AGBL4: variants seen among roughly 807,000 people sequenced by gnomAD.
AGBL4 encodes the protein AGBL carboxypeptidase 4.
AGBL4 carries 58 observed loss-of-function variants against 66.4 expected under a neutral mutation model. The observed-to-expected ratio is 0.87, with a 90% CI of 0.71 to 1.09. The LOEUF (loss-of-function observed/expected upper bound fraction) is 1.09, where lower values mean the gene tolerates loss of function less well. AGBL4 is among the 50% of genes least tolerant of loss of function. The pLI is 0.00. For missense variants in AGBL4, 579 were observed against 631.0 expected, an observed-to-expected ratio of 0.92 and a Z score of 0.88; for synonymous variants, 234 against 222.9, an observed-to-expected ratio of 1.05 and a Z score of -0.44.
intron 3 of AGBL4, among the ~76,000 whole-genome samples, chr1:49,625,813 G>A (rs1645453429): frequency 1.3e-5 from 2 of 152,144 alleles, no homozygotes; most frequent in Admixed American, 1.3e-4. Context: ...CCACTAAAGT[G>A]CCTGCTTGGC....
At chr1:49,721,474 G>C (rs1648605765) in intron 2 of AGBL4, among the ~76,000 whole-genome samples, 1 of 152,094 alleles carries the variant, frequency 6.6e-6, no homozygotes, top group African/African-American at 2.4e-5. Flanking sequence ...GGCCAGGCCA[G>C]GGAATTGCTA....
chr1:48,957,159 G>A (rs913507193), intron 5 of AGBL4, among the ~76,000 whole-genome samples: 1 of 151,820 alleles, frequency 6.6e-6, no homozygotes, highest in Non-Finnish European at 1.5e-5. Context: ...TACATTTTTT[G>A]CTATTATTAC....
At chr1:48,560,658 G>C (rs1644383647) in intron 11 of AGBL4, among the ~76,000 whole-genome samples, 1 of 152,166 alleles carries the variant, frequency 6.6e-6, no homozygotes, top group Admixed American at 6.5e-5. Flanking sequence ...GTCAGTCCCA[G>C]CTTTGCCACT....
chr1:49,577,617 T>C (rs1325872480), intron 3 of AGBL4, among the ~76,000 whole-genome samples: 1 of 152,202 alleles, frequency 6.6e-6, no homozygotes, highest in African/African-American at 2.4e-5. Flanking sequence ...CTACCATCCA[T>C]GGACTCAAGG....
At chr1:48,879,546 C>T (rs1010845228) in intron 5 of AGBL4, among the ~76,000 whole-genome samples, 1 of 152,056 alleles carries the variant, frequency 6.6e-6, no homozygotes, top group African/African-American at 2.4e-5. Flanking sequence ...ACTTTCCTAA[C>T]ATATTTTAAT....
chr1:49,907,160 C>T (rs185885866), intron 1 of AGBL4, among the ~76,000 whole-genome samples: 2 of 152,102 alleles, frequency 1.3e-5, no homozygotes, highest in African/African-American at 4.8e-5. Context: ...ATCAAATATA[C>T]AAAAGGTTGT....
At chr1:49,187,416 T>C (rs1344478060) in intron 4 of AGBL4, 1 of 152,152 alleles carries the variant, frequency 6.6e-6, no homozygotes, top group Non-Finnish European at 1.5e-5. Context: ...TTAAGGAAAA[T>C]GTTATTGCTA....
intron 3 of AGBL4, among the ~76,000 whole-genome samples, chr1:49,502,677 G>C (rs966441400): frequency 1.3e-5 from 2 of 152,048 alleles, no homozygotes; most frequent in African/African-American, 4.8e-5. Flanking sequence ...GGATTCAGGT[G>C]GAGATGAGGA....
At chr1:48,765,609 C>T (rs2148674152) in intron 6 of AGBL4, among the ~76,000 whole-genome samples, 1 of 152,248 alleles carries the variant, frequency 6.6e-6, no homozygotes, top group African/African-American at 2.4e-5. Context: ...CAAAAACTCA[C>T]ACACAAATGT....
At chr1:49,972,515 G>C (rs1009067290) in intron 1 of AGBL4, among the ~76,000 whole-genome samples, 2 of 152,114 alleles carry the variant, frequency 1.3e-5, no homozygotes, top group African/African-American at 4.8e-5. Flanking sequence ...ATTATTTTAT[G>C]GCTGAGTAGT....
At chr1:49,845,072 C>T in intron 2 of AGBL4, 1 of 1,447,988 alleles carries the variant, frequency 6.9e-7, no homozygotes, top group South Asian at 1.2e-5. Context: ...AAAGAGAAAC[C>T]CTACAAATGT....
chr1:49,480,936 C>T (rs1287666034), intron 3 of AGBL4, among the ~76,000 whole-genome samples: 1 of 151,988 alleles, frequency 6.6e-6, no homozygotes, highest in Non-Finnish European at 1.5e-5. Context: ...TGTCACAGAT[C>T]AGATACTTGT....
intron 2 of AGBL4, among the ~76,000 whole-genome samples, chr1:49,822,202 T>C (rs920064629): frequency 7.2e-5 from 11 of 152,234 alleles, no homozygotes; most frequent in Non-Finnish European, 1.6e-4. Context: ...ACACCGAATA[T>C]GTTTTTAAAA....
rs879012650 is a variant in AGBL4 at position 49,808,330 on chromosome 1, G to A, written c.157+43066C>T. ...CTTGTTTGAGTGACGGGGTGGATGA[G>A]GATGTCTATAGATTCACAAAGGGAA... On this transcript the variant is annotated intron_variant, in intron 2 of 13. Transcript: ENST00000371839. Among the ~76,000 whole-genome samples, 29 of 152,218 alleles carry A rather than the reference G, an allele frequency of 1.9e-4. No individual in the cohort carries two copies. In the Middle Eastern group the frequency reaches 0.01, roughly 54 times the overall value.
At chr1:49,830,469 T>C (rs1472305970) in intron 2 of AGBL4, among the ~76,000 whole-genome samples, 1 of 152,100 alleles carries the variant, frequency 6.6e-6, no homozygotes. Flanking sequence ...GGTTGTTTTT[T>C]CTTATAAATT....
intron 3 of AGBL4, among the ~76,000 whole-genome samples, chr1:49,317,710 T>C (rs1212995951): frequency 5.9e-5 from 9 of 151,922 alleles, no homozygotes; most frequent in Non-Finnish European, 1.3e-4. Context: ...AGGAAGTCTG[T>C]GTGTTGCTTC....
At chr1:49,507,087 G>C (rs564216480) in intron 3 of AGBL4, among the ~76,000 whole-genome samples, 1 of 151,880 alleles carries the variant, frequency 6.6e-6, no homozygotes, top group Non-Finnish European at 1.5e-5. Flanking sequence ...TGCATTCTTG[G>C]GTGTCCTAAA....
intron 4 of AGBL4, among the ~76,000 whole-genome samples, chr1:49,107,307 T>G (rs1645310599): frequency 6.6e-6 from 1 of 152,170 alleles, no homozygotes; most frequent in Non-Finnish European, 1.5e-5. Context: ...TAGGCACATT[T>G]AAGGTAGGCA....
At chr1:48,903,474 A>G (rs1320553992) in intron 5 of AGBL4, among the ~76,000 whole-genome samples, 1 of 152,262 alleles carries the variant, frequency 6.6e-6, no homozygotes, top group Non-Finnish European at 1.5e-5. Context: ...CTATCCACTG[A>G]GAGCTCCCTA....
Sources: allele counts gnomAD v4.1 joint callset (sites outside exome capture counted in the v4.1 genomes callset), GRCh38; gene constraint gnomAD v4.1.1; transcripts MANE v1.5; gene names NCBI Gene and HGNC (gene_info 2026-07-23, HGNC 2026-07-21).